The following FRMD4A variants were observed in gnomAD, a reference collection of about 807,000 sequenced individuals.
FRMD4A encodes the protein FERM domain-containing protein 4A.
A neutral mutation model predicts 129.1 loss-of-function variants in FRMD4A; 29 were observed. The ratio of observed to expected loss-of-function variants is 0.22; its 90% CI spans 0.17 to 0.31. The LOEUF is 0.31. Ranked by LOEUF, FRMD4A falls within the 10% of genes least tolerant of loss-of-function variation. The pLI is 1.00. For missense variants in FRMD4A, 1,272 were observed against 1,375.8 expected (o/e 0.92, Z 1.19); for synonymous variants, 634 against 571.6 (o/e 1.11, Z -1.56).
chr10:13,837,581 T>G (rs2093896423), intron 3 of FRMD4A, among the ~76,000 whole-genome samples: 1 of 152,256 alleles, frequency 6.6e-6, no homozygotes, highest in African/African-American at 2.4e-5. Flanking sequence ...GTTGGCCAGA[T>G]GAGGCAGCTT....
intron 12 of FRMD4A, among the ~76,000 whole-genome samples, chr10:13,714,096 A>G (rs1261363643): frequency 3.9e-5 from 4 of 103,630 alleles, no homozygotes; most frequent in East Asian, 2.6e-4. Context: ...GTCTCACTCT[A>G]TCCTCCAGGC....
At chr10:14,232,520 G>A (rs1464455710) in intron 2 of FRMD4A, among the ~76,000 whole-genome samples, 4 of 151,510 alleles carry the variant, frequency 2.6e-5, no homozygotes, top group African/African-American at 9.7e-5. Flanking sequence ...ATTGCTTTGG[G>A]TAGTATGGAC....
At chr10:13,891,084 G>A (rs1177060294) in intron 2 of FRMD4A, among the ~76,000 whole-genome samples, 1 of 152,082 alleles carries the variant, frequency 6.6e-6, no homozygotes, top group South Asian at 2.1e-4. Flanking sequence ...AATTTTAAAT[G>A]AGCACGTACT....
At chr10:13,949,828 G>A (rs192289378) in intron 2 of FRMD4A, among the ~76,000 whole-genome samples, 112 of 152,280 alleles carry the variant, frequency 7.4e-4, no homozygotes, top group African/African-American at 2.3e-3. Context: ...TTCTGACAAG[G>A]CTCAAGCTGC....
intron 2 of FRMD4A, among the ~76,000 whole-genome samples, chr10:14,151,631 C>A (rs1001541876): frequency 3.3e-5 from 5 of 151,956 alleles, no homozygotes; most frequent in Admixed American, 3.3e-4. Context: ...AGGACATGTA[C>A]CCTCTAAATA....
intron 2 of FRMD4A, among the ~76,000 whole-genome samples, chr10:13,969,025 A>C (rs11258760): frequency 6.6e-6 from 1 of 152,344 alleles, no homozygotes; most frequent in East Asian, 1.9e-4. Flanking sequence ...CCTGGTTGGC[A>C]GTAGAAAGGA....
intron 2 of FRMD4A, among the ~76,000 whole-genome samples, chr10:13,985,202 C>T (rs1229148758): frequency 1.3e-5 from 2 of 152,240 alleles, no homozygotes; most frequent in South Asian, 2.1e-4. Context: ...CTCTGAAGTC[C>T]GGCTCACGTG....
intron 4 of FRMD4A, among the ~76,000 whole-genome samples, chr10:13,801,749 G>A (rs1395911648): frequency 6.6e-6 from 1 of 152,172 alleles, no homozygotes; most frequent in African/African-American, 2.4e-5. Context: ...CACACTTCCT[G>A]TACTCTACAG....
intron 2 of FRMD4A, among the ~76,000 whole-genome samples, chr10:14,092,182 C>G (rs1299424020): frequency 8.4e-6 from 1 of 118,364 alleles, no homozygotes; most frequent in Admixed American, 9.1e-5. Flanking sequence ...CTTAGGTCTG[C>G]TCCCATACTG....
intron 8 of FRMD4A, among the ~76,000 whole-genome samples, chr10:13,750,456 T>C (rs1436606814): frequency 1.3e-5 from 2 of 152,220 alleles, no homozygotes; most frequent in African/African-American, 2.4e-5. Flanking sequence ...CAAAGCTCAC[T>C]GACCACAGGG....
intron 2 of FRMD4A, among the ~76,000 whole-genome samples, chr10:13,861,317 A>C (rs984884145): frequency 6.6e-6 from 1 of 152,254 alleles, no homozygotes; most frequent in African/African-American, 2.4e-5. Context: ...TTATTCACTT[A>C]TCACCAACAT....
chr10:13,688,805 C>G (rs1002624206), intron 15 of FRMD4A, among the ~76,000 whole-genome samples: 5 of 152,108 alleles, frequency 3.3e-5, no homozygotes, highest in African/African-American at 4.8e-5. Context: ...CCTCTGCCTC[C>G]TAGCTAGGCT....
At position 13,797,215 on chromosome 10, in the gene FRMD4A, G is replaced by A. The variant is rs188927328; in HGVS notation, c.207-627C>T. Among the ~76,000 whole-genome samples, 226 of 152,280 alleles carry A rather than the reference G, an allele frequency of 1.5e-3. 1 individual carries two copies. Among genetic ancestry groups the A allele is most frequent in the African/African-American group, 5.1e-3 (212 of 41,560 alleles). ...AGAACTCTCCTTCTTGTCCTGAACC[G>A]CCTTTCCACCACACTCCCAGGTGCC... On this transcript the variant is annotated intron_variant, in intron 4 of 24. Coordinates refer to ENST00000357447, the MANE Select transcript of FRMD4A (RefSeq NM_018027.5).
intron 2 of FRMD4A, among the ~76,000 whole-genome samples, chr10:14,045,671 TTTATA>T (rs370598977): frequency 0.017 from 2,530 of 146,648 alleles, 83 homozygotes; most frequent in East Asian, 0.11. Context: ...TTATGTCATA[TTTATA>T]TTATATTATA....
At chr10:14,189,876 T>C (rs1390165477) in intron 2 of FRMD4A, among the ~76,000 whole-genome samples, 1 of 152,210 alleles carries the variant, frequency 6.6e-6, no homozygotes, top group Non-Finnish European at 1.5e-5. Context: ...TCGGCCTCAG[T>C]AGGAAAATCC....
chr10:14,003,783 C>T (rs1396451332), intron 2 of FRMD4A, among the ~76,000 whole-genome samples: 1 of 152,230 alleles, frequency 6.6e-6, no homozygotes, highest in Non-Finnish European at 1.5e-5. Context: ...CATTCTTAGG[C>T]TTTGCATCTA....
At chr10:14,315,865 T>C (rs1408196722) in intron 2 of FRMD4A, among the ~76,000 whole-genome samples, 2 of 152,242 alleles carry the variant, frequency 1.3e-5, no homozygotes, top group Non-Finnish European at 2.9e-5. Flanking sequence ...AGATGTCCAC[T>C]GAACACTTAC....
At chr10:13,873,182 AAAT>A (rs1166035373) in intron 2 of FRMD4A, among the ~76,000 whole-genome samples, 48 of 33,374 alleles carry the variant, frequency 1.4e-3, no homozygotes, top group African/African-American at 2.2e-3. Flanking sequence ...GTCTCAAAAA[AAAT>A]AAAATAAAAT....
chr10:14,061,772 C>G (rs1173711451), intron 2 of FRMD4A, among the ~76,000 whole-genome samples: 1 of 152,170 alleles, frequency 6.6e-6, no homozygotes, highest in Non-Finnish European at 1.5e-5. Context: ...TCACGTGGTA[C>G]CTGGAACTAT....
Sources: allele counts gnomAD v4.1 joint callset (sites outside exome capture counted in the v4.1 genomes callset), GRCh38; gene constraint gnomAD v4.1.1; transcripts MANE v1.5; gene names NCBI Gene and HGNC (gene_info 2026-07-23, HGNC 2026-07-21).